The following DENND1A variants were observed in gnomAD, a reference collection of about 807,000 sequenced individuals.
DENND1A encodes the protein DENN domain containing 1A.
In DENND1A, 51 loss-of-function variants were observed where a neutral mutation model predicts 113.7. The observed-to-expected ratio is 0.45, with a 90% CI of 0.36 to 0.57. The LOEUF (loss-of-function observed/expected upper bound fraction) is 0.57. Ranked by LOEUF, DENND1A falls within the 20% of genes least tolerant of loss-of-function variation. The pLI is 0.00. For synonymous variants in DENND1A, 565 were observed against 570.8 expected (o/e 0.99, Z 0.14); for missense variants, 1,258 against 1,395.9 (o/e 0.90, Z 1.57).
chr9:123,600,466 G>A (rs1048377199), intron 11 of DENND1A, among the ~76,000 whole-genome samples: 1 of 152,204 alleles, frequency 6.6e-6, no homozygotes, highest in Admixed American at 6.5e-5. Context: ...CTCTCTCAGA[G>A]TGGTGGCAAT....
chr9:123,727,267 T>C (rs2067776696), intron 5 of DENND1A, among the ~76,000 whole-genome samples: 1 of 152,188 alleles, frequency 6.6e-6, no homozygotes, highest in African/African-American at 2.4e-5. Flanking sequence ...ACATCCACTT[T>C]TCCTGGAATG....
chr9:123,744,767 G>C (rs1405940278), intron 5 of DENND1A, among the ~76,000 whole-genome samples: 2 of 134,520 alleles, frequency 1.5e-5, no homozygotes, highest in Non-Finnish European at 3.1e-5. Flanking sequence ...ACTTATATTA[G>C]CTCTTTTTTT....
intron 13 of DENND1A, among the ~76,000 whole-genome samples, chr9:123,501,452 T>G (rs928799386): frequency 6.6e-6 from 1 of 152,212 alleles, no homozygotes; most frequent in East Asian, 1.9e-4. Flanking sequence ...AGACCCTCCT[T>G]GCTTTCAATT....
intron 5 of DENND1A, among the ~76,000 whole-genome samples, chr9:123,694,597 C>T (rs1311178533): frequency 6.6e-6 from 1 of 152,186 alleles, no homozygotes; most frequent in South Asian, 2.1e-4. Context: ...CCCTATCTCC[C>T]ACCAAAAGTA....
At chr9:123,426,089 C>G (rs1037388403) in intron 19 of DENND1A, among the ~76,000 whole-genome samples, 1 of 152,166 alleles carries the variant, frequency 6.6e-6, no homozygotes, top group African/African-American at 2.4e-5. Context: ...GAGCTCCAGA[C>G]TAGAAGGCCT....
chr9:123,591,984 C>T (rs1352014793), intron 11 of DENND1A, among the ~76,000 whole-genome samples: 2 of 152,194 alleles, frequency 1.3e-5, no homozygotes, highest in Non-Finnish European at 2.9e-5. Context: ...TCAAGCCCTG[C>T]TTCTGTACTG....
intron 11 of DENND1A, among the ~76,000 whole-genome samples, chr9:123,587,016 C>T (rs1257915787): frequency 3.3e-5 from 5 of 151,658 alleles, no homozygotes; most frequent in Non-Finnish European, 7.4e-5. Context: ...GGTGGATCGG[C>T]AGGTTGAGAA....
chr9:123,929,675 C>G (rs1453553018), intron 1 of DENND1A, among the ~76,000 whole-genome samples: 2 of 151,970 alleles, frequency 1.3e-5, no homozygotes, highest in Non-Finnish European at 2.9e-5. Flanking sequence ...GGAGGGGACA[C>G]CTGACCCCCG....
chr9:123,757,882 T>C, intron 4 of DENND1A, 60 bp from the exon 5 acceptor site: 3 of 1,591,388 alleles, frequency 1.9e-6, no homozygotes, highest in Admixed American at 1.7e-5. Flanking sequence ...TGATAAAGTA[T>C]CTAATCACAA....
At chr9:123,388,186 A>G (rs923338012) in intron 21 of DENND1A, among the ~76,000 whole-genome samples, 1 of 152,240 alleles carries the variant, frequency 6.6e-6, no homozygotes, top group African/African-American at 2.4e-5. Flanking sequence ...AACAACCTAC[A>G]CTGTCAGCAA....
At chr9:123,392,282 C>T (rs747220608) in intron 21 of DENND1A, among the ~76,000 whole-genome samples, 14 of 152,054 alleles carry the variant, frequency 9.2e-5, no homozygotes, top group Non-Finnish European at 1.5e-4. Context: ...CAGCACGTCA[C>T]GCTGGCCCAA....
intron 6 of DENND1A, among the ~76,000 whole-genome samples, chr9:123,673,501 C>T (rs945734392): frequency 1.3e-5 from 2 of 152,146 alleles, no homozygotes; most frequent in African/African-American, 2.4e-5. Flanking sequence ...TTATACTTTC[C>T]CTGCCTCAGC....
At chr9:123,735,953 T>TGTGCCA (rs1301982386) in intron 5 of DENND1A, among the ~76,000 whole-genome samples, 20 of 152,150 alleles carry the variant, frequency 1.3e-4, no homozygotes, top group Non-Finnish European at 1.6e-4. Context: ...GAGCCGAGAT[T>TGTGCCA]GTGCCACTGC....
At chr9:123,900,660 G>A (rs1851475224) in intron 1 of DENND1A, among the ~76,000 whole-genome samples, 2 of 152,210 alleles carry the variant, frequency 1.3e-5, no homozygotes, top group African/African-American at 4.8e-5. Context: ...ACATCGATCT[G>A]GGCTCCAGTT....
At chr9:123,488,639 G>A (rs2051093362) in intron 13 of DENND1A, among the ~76,000 whole-genome samples, 1 of 152,130 alleles carries the variant, frequency 6.6e-6, no homozygotes, top group South Asian at 2.1e-4. Flanking sequence ...CCCACTCCAC[G>A]TCCCTGGACT....
At chr9:123,838,669 G>A (rs1270462735) in intron 2 of DENND1A, among the ~76,000 whole-genome samples, 3 of 152,268 alleles carry the variant, frequency 2.0e-5, no homozygotes, top group South Asian at 4.1e-4. Context: ...GGCGGTACCT[G>A]GAAAGAAAAC....
At chr9:123,867,843 T>C (rs1845996590) in intron 2 of DENND1A, among the ~76,000 whole-genome samples, 1 of 152,324 alleles carries the variant, frequency 6.6e-6, no homozygotes, top group African/African-American at 2.4e-5. Context: ...CTTGGGACTA[T>C]GGCTCAAGAT....
intron 1 of DENND1A, among the ~76,000 whole-genome samples, chr9:123,912,195 T>C (rs2134034547): frequency 6.6e-6 from 1 of 152,284 alleles, no homozygotes; most frequent in Non-Finnish European, 1.5e-5. Flanking sequence ...AAAATATGTG[T>C]AATGGCAGAA....
intron 2 of DENND1A, among the ~76,000 whole-genome samples, chr9:123,807,686 C>T (rs1835829969): frequency 6.6e-6 from 1 of 152,162 alleles, no homozygotes; most frequent in Non-Finnish European, 1.5e-5. Context: ...ATTAAATTTC[C>T]TGGGATAGAT....
Sources: allele counts gnomAD v4.1 joint callset (sites outside exome capture counted in the v4.1 genomes callset), GRCh38; gene constraint gnomAD v4.1.1; transcripts MANE v1.5; gene names NCBI Gene and HGNC (gene_info 2026-07-23, HGNC 2026-07-21).